Variants in BORA observed in about 807,000 individuals in gnomAD.
The protein encoded by BORA is BORA aurora kinase A activator.
In BORA, 26 loss-of-function variants were observed where a neutral mutation model predicts 55.8. The ratio of observed to expected loss-of-function variants is 0.47; its 90% CI spans 0.34 to 0.65. BORA has a LOEUF of 0.65. Ranked by LOEUF, BORA falls within the 30% of genes least tolerant of loss-of-function variation. The pLI, the probability that BORA is intolerant of heterozygous loss-of-function variation, is 0.01. For synonymous variants in BORA, 201 were observed against 216.9 expected (o/e 0.93, Z 0.64); for missense variants, 568 against 671.5 (o/e 0.85, Z 1.70).
At chr13:72,730,922 G>T (rs71431546) in intron 2 of BORA, among the ~76,000 whole-genome samples, 3 of 147,956 alleles carry the variant, frequency 2.0e-5, no homozygotes, top group African/African-American at 7.4e-5. Context: ...ACAAAAATTA[G>T]CTGGGTGTGG....
rs183698610 is a variant in BORA at position 72,736,449 on chromosome 13, C to T, written c.306+1444C>T. Among the ~76,000 whole-genome samples the T allele has an allele frequency of 5.9e-4, 89 of 152,130 alleles. 1 individual carries two copies. In the East Asian group the frequency reaches 0.015, roughly 25 times the overall value. On this transcript the variant is annotated intron_variant, in intron 4 of 11. Transcript: ENST00000390667. ...ATAGCATATGTCCTTAAAATATTTT[C>T]GACAAATAGGATTATCATTCTCATA...
At chr13:72,753,544 T>C in intron 10 of BORA, 146 bp from the exon 11 acceptor site, 1 of 778,690 alleles carries the variant, frequency 1.3e-6, no homozygotes, top group Non-Finnish European at 2.0e-6. Context: ...TATTTGTGCA[T>C]TACTTTTGAA....
intron 11 of BORA, 83 bp downstream of exon 11, chr13:72,753,904 TG>T: frequency 3.9e-6 from 5 of 1,286,954 alleles, no homozygotes; most frequent in Non-Finnish European, 5.3e-6. Flanking sequence ...ATAGTACTAT[TG>T]AGAAACTATA....
chr13:72,750,382 C>T (rs550769539), intron 10 of BORA, among the ~76,000 whole-genome samples: 19 of 152,238 alleles, frequency 1.2e-4, no homozygotes, highest in South Asian at 2.1e-4. Context: ...GTGTAGATAA[C>T]TCTGGAGTTT....
chr13:72,741,313 T>G (rs2033028987), intron 5 of BORA, among the ~76,000 whole-genome samples: 1 of 152,234 alleles, frequency 6.6e-6, no homozygotes, highest in African/African-American at 2.4e-5. Context: ...ATTATCCAGC[T>G]TTTACATCTT....
chr13:72,731,003 G>T (rs1452417105), intron 2 of BORA, among the ~76,000 whole-genome samples: 4 of 152,066 alleles, frequency 2.6e-5, no homozygotes, highest in Non-Finnish European at 5.9e-5. Context: ...GGGAGGTGGA[G>T]GTTGCAGTGA....
chr13:72,745,624 A>G (rs527594347), intron 8 of BORA, among the ~76,000 whole-genome samples: 2 of 152,358 alleles, frequency 1.3e-5, no homozygotes, highest in South Asian at 4.1e-4. Flanking sequence ...GTTATTTACT[A>G]AAGTGTGTGA....
intron 6 of BORA, 131 bp from the exon 7 acceptor site, chr13:72,744,374 A>G (rs1250614045): frequency 1.3e-6 from 1 of 760,576 alleles, no homozygotes; most frequent in East Asian, 2.7e-5. Flanking sequence ...GAATGCAGAA[A>G]TGAATAATTC....
chr13:72,744,451 C>T (rs1160299457), intron 6 of BORA, 54 bp from the exon 7 acceptor site: 3 of 1,461,004 alleles, frequency 2.1e-6, no homozygotes, highest in Non-Finnish European at 2.9e-6. Context: ...ATAGTGTATA[C>T]TTTCATTGAT....
intron 3 of BORA, among the ~76,000 whole-genome samples, chr13:72,732,453 T>C (rs954079264): frequency 1.3e-5 from 2 of 152,082 alleles, no homozygotes; most frequent in African/African-American, 4.8e-5. Flanking sequence ...GGCGGGCAGA[T>C]CACTTGAGGT....
Position 72,743,588 on chromosome 13 carries a change from C to T in BORA, c.440C>T (p.Ser147Phe). 1 of 1,605,626 alleles carries T rather than the reference C, an allele frequency of 6.2e-7. No individual in the cohort carries two copies. The highest frequency in any genetic ancestry group is 8.5e-7 in the Non-Finnish European group (1 of 1,177,220). The change falls in exon 6 of 12, where the codon TCT becomes TTT. Residue 147 changes from serine to phenylalanine, a missense_variant. Coordinates refer to ENST00000390667, the MANE Select transcript of BORA (RefSeq NM_024808.5). ...SPVGKKLTIH[S>F]EKSDAACQTL... ...GTTGGAAAAAAGCTGACCATTCATTCTGAGAAAAGCGATGGTGAGTATGAA... is the reference window on the plus strand; with the variant it reads ...GTTGGAAAAAAGCTGACCATTCATTTTGAGAAAAGCGATGGTGAGTATGAA...
At chr13:72,747,694 T>G (rs2033179113) in intron 10 of BORA, among the ~76,000 whole-genome samples, 1 of 151,900 alleles carries the variant, frequency 6.6e-6, no homozygotes, top group Non-Finnish European at 1.5e-5. Flanking sequence ...TCACCACACC[T>G]GGCTAATTTT....
At chr13:72,730,409 G>A (rs2138037373) in intron 2 of BORA, among the ~76,000 whole-genome samples, 1 of 152,254 alleles carries the variant, frequency 6.6e-6, no homozygotes, top group African/African-American at 2.4e-5. Context: ...GCGTTTTTAG[G>A]ACTGAATTTG....
rs1399686737 is a variant in BORA at position 72,746,070 on chromosome 13, CTCTCAGGTATG to C, written c.871_871+10del. On this transcript the variant is annotated splice_donor_variant and splice_donor_5th_base_variant and coding_sequence_variant and intron_variant, in exon 9 of 12. Transcript: ENST00000390667. LOFTEE classifies it high-confidence loss of function. ...TGAATTTCAGATAGGAGAGACTCCA[CTCTCAGGTATG>C]TCTCATAATAAAATACCTAGTTAAA... is the stretch of plus-strand genomic sequence containing the variant. The C allele has an allele frequency of 3.1e-6, 5 of 1,608,810 alleles. No individual in the cohort carries two copies. Among genetic ancestry groups the C allele is most frequent in the Non-Finnish European group, 4.3e-6 (5 of 1,175,772 alleles).
At position 72,731,354 on chromosome 13, in the gene BORA, T is replaced by C; in HGVS notation, c.227T>C (p.Ile76Thr). ...INPVEIDPED[I>T]HRQALYLSHS... ...CCTGTAGAAATAGACCCAGAAGATA[T>C]TCATCGTCAAGCTTTATACTTAAGT... is the stretch of plus-strand genomic sequence containing the variant. The change falls in exon 3 of 12, where the codon ATT (isoleucine) becomes ACT (threonine). Residue 76 changes from isoleucine to threonine, a missense_variant. Physicochemically the swap from Ile to Thr is moderately conservative, Grantham distance 89. Coordinates refer to ENST00000390667, the MANE Select transcript of BORA (RefSeq NM_024808.5). The C allele has an allele frequency of 6.2e-7, 1 of 1,611,722 alleles. No homozygotes were observed. The highest frequency in any genetic ancestry group is 2.2e-5 in the East Asian group (1 of 44,760).
intron 3 of BORA, 88 bp downstream of exon 3, chr13:72,731,475 T>A: frequency 9.7e-7 from 1 of 1,026,994 alleles, no homozygotes; most frequent in Non-Finnish European, 1.5e-6. Context: ...TTTTTCTATG[T>A]AAAGGTATCA....
In BORA at chr13:72,743,583, T is replaced by G; in HGVS notation, c.435T>G (p.Ile145Met). 1 of 1,608,542 alleles carries G rather than the reference T, an allele frequency of 6.2e-7. No homozygotes were observed. Among genetic ancestry groups the G allele is most frequent in the Middle Eastern group, 1.7e-4 (1 of 6,046 alleles). ...SDSPVGKKLT[I>M]HSEKSDAACQ... ...CTCCAGTTGGAAAAAAGCTGACCAT[T>G]CATTCTGAGAAAAGCGATGGTGAGT... Residue 145 changes from isoleucine (I) to methionine (M), a missense_variant, in exon 6 of 12, where the codon ATT becomes ATG. Coordinates refer to ENST00000390667, the MANE Select transcript of BORA (RefSeq NM_024808.5).
At chr13:72,753,050 A>G (rs1470696430) in intron 10 of BORA, 2 of 152,182 alleles carry the variant, frequency 1.3e-5, no homozygotes, top group Non-Finnish European at 1.5e-5. Flanking sequence ...CTTCTCTAGT[A>G]AAGTATTAGG....
chr13:72,744,423 C>G (rs371903962), intron 6 of BORA, 82 bp from the exon 7 acceptor site: 2 of 1,151,596 alleles, frequency 1.7e-6, no homozygotes, highest in South Asian at 1.4e-5. Context: ...ATTGACTGGG[C>G]AGCACATGCT....
Sources: gnomAD v4.1 joint callset for allele counts (sites outside exome capture counted in the v4.1 genomes callset) on GRCh38, gnomAD v4.1.1 for gene constraint, MANE v1.5 for transcripts, NCBI Gene and HGNC (gene_info 2026-07-23, HGNC 2026-07-21) for gene names.